Variants in FHOD3 observed in about 807,000 individuals in gnomAD.
FHOD3 encodes the protein FH1/FH2 domain-containing protein 3.
In FHOD3, 90 loss-of-function variants were observed where a neutral mutation model predicts 173.0. The ratio of observed to expected loss-of-function variants is 0.52; its 90% CI spans 0.44 to 0.62. The LOEUF (loss-of-function observed/expected upper bound fraction) is 0.62. Among genes scored for constraint, FHOD3 ranks in the 20% least tolerant of loss-of-function variants. FHOD3 has a pLI of 0.00. For synonymous variants in FHOD3, 828 were observed against 823.0 expected, an observed-to-expected ratio of 1.01 and a Z score of -0.10; for missense variants, 1,945 against 2,034.7, an observed-to-expected ratio of 0.96 and a Z score of 0.85.
chr18:36,583,442 C>CT (rs2058923507), intron 6 of FHOD3, among the ~76,000 whole-genome samples: 1 of 152,160 alleles, frequency 6.6e-6, no homozygotes, highest in East Asian at 1.9e-4. Context: ...GGGTTTTATT[C>CT]TTTTCCCTTC....
intron 5 of FHOD3, among the ~76,000 whole-genome samples, chr18:36,521,104 G>A (rs145606248): frequency 1.8e-3 from 270 of 152,282 alleles, no homozygotes; most frequent in African/African-American, 6.3e-3. Context: ...AACTTTTTTT[G>A]TGGGTGGGGT....
At chr18:36,474,986 T>TACACACACACACACACACACACACACAC (rs3056805) in intron 3 of FHOD3, among the ~76,000 whole-genome samples, 1 of 108,004 alleles carries the variant, frequency 9.3e-6, no homozygotes, top group Admixed American at 1.1e-4. Flanking sequence ...AATACACACA[T>TACACACACACACACACACACACACACAC]ACACACACAC....
chr18:36,418,882 C>A (rs1027437726), intron 3 of FHOD3, among the ~76,000 whole-genome samples: 2 of 152,038 alleles, frequency 1.3e-5, no homozygotes, highest in African/African-American at 4.8e-5. Flanking sequence ...CCATTGCACT[C>A]CAGCCTGGGC....
intron 3 of FHOD3, among the ~76,000 whole-genome samples, chr18:36,457,383 C>T (rs1196393963): frequency 6.6e-6 from 1 of 152,110 alleles, no homozygotes; most frequent in East Asian, 1.9e-4. Flanking sequence ...CAGCCATCAG[C>T]ATTGGTGGAT....
chr18:36,313,795 T>G (rs545812999), intron 1 of FHOD3, among the ~76,000 whole-genome samples: 1 of 152,370 alleles, frequency 6.6e-6, no homozygotes, highest in East Asian at 1.9e-4. Flanking sequence ...ACCTAGATTC[T>G]TTATTCAGCA....
intron 14 of FHOD3, among the ~76,000 whole-genome samples, chr18:36,659,434 C>T (rs2036631830): frequency 6.6e-6 from 1 of 152,202 alleles, no homozygotes. Flanking sequence ...TTGGGATTAG[C>T]TGAAGTTACC....
At position 36,755,238 on chromosome 18, in the gene FHOD3, G is replaced by A; in HGVS notation, c.4352G>A (p.Arg1451Lys). ...FALEYRTTRE[R>K]VLQQKQKRAN... ...CTAGAGTATCGCACAACCAGGGAAA[G>A]GGTTTTGCAGCAGAAACAGAAACGG... is the stretch of plus-strand genomic sequence containing the variant. The change falls in exon 25 of 29, where the codon AGG becomes AAG. Residue 1451 changes from arginine (R) to lysine (K), a missense_variant. Arg to Lys is a conservative substitution (Grantham distance 26). Transcript: ENST00000590592. 1 of 1,612,500 alleles carries A rather than the reference G, an allele frequency of 6.2e-7. No individual in the cohort carries two copies. Among genetic ancestry groups the A allele is most frequent in the African/African-American group, 1.3e-5 (1 of 74,824 alleles).
intron 3 of FHOD3, among the ~76,000 whole-genome samples, chr18:36,456,635 A>G (rs2052231655): frequency 6.6e-6 from 1 of 152,022 alleles, no homozygotes; most frequent in Admixed American, 6.6e-5. Flanking sequence ...GGGAAGGAGG[A>G]GTTCCAGCCT....
At chr18:36,664,603 G>T (rs2037029931) in intron 14 of FHOD3, among the ~76,000 whole-genome samples, 1 of 152,010 alleles carries the variant, frequency 6.6e-6, no homozygotes, top group Non-Finnish European at 1.5e-5. Context: ...TGGGACTGTG[G>T]GTCCTCAGCA....
intron 3 of FHOD3, among the ~76,000 whole-genome samples, chr18:36,450,670 G>GT (rs895644596): frequency 5.3e-5 from 8 of 151,804 alleles, no homozygotes; most frequent in Non-Finnish European, 1.2e-4. Flanking sequence ...GTGCACACCT[G>GT]TAGTCCCAGC....
At chr18:36,735,861 G>A (rs1352915372) in intron 20 of FHOD3, among the ~76,000 whole-genome samples, 1 of 152,194 alleles carries the variant, frequency 6.6e-6, no homozygotes, top group African/African-American at 2.4e-5. Context: ...AGTTTCATGT[G>A]CAGGTAGAAG....
intron 2 of FHOD3, among the ~76,000 whole-genome samples, chr18:36,361,509 A>G (rs2145868772): frequency 6.6e-6 from 1 of 152,036 alleles, no homozygotes; most frequent in East Asian, 1.9e-4. Context: ...AACATGGGAA[A>G]CGCTGTCTCT....
chr18:36,652,269 C>G (rs571069994), intron 11 of FHOD3, among the ~76,000 whole-genome samples: 2 of 152,320 alleles, frequency 1.3e-5, no homozygotes, highest in Admixed American at 6.5e-5. Flanking sequence ...GTCTTTGGGG[C>G]TCCAGTAAAT....
intron 28 of FHOD3, among the ~76,000 whole-genome samples, chr18:36,775,258 C>CA (rs1166489715): frequency 1.3e-5 from 2 of 152,074 alleles, no homozygotes; most frequent in Non-Finnish European, 2.9e-5. Flanking sequence ...TAATTATGTG[C>CA]AAAAAAACCC....
At chr18:36,514,497 T>C (rs1356616565) in intron 5 of FHOD3, among the ~76,000 whole-genome samples, 1 of 152,150 alleles carries the variant, frequency 6.6e-6, no homozygotes, top group Non-Finnish European at 1.5e-5. Context: ...TCCTCTAGTT[T>C]ATTTTCCGGG....
intron 10 of FHOD3, among the ~76,000 whole-genome samples, chr18:36,638,700 A>G (rs1020925639): frequency 6.6e-6 from 1 of 152,182 alleles, no homozygotes; most frequent in Middle Eastern, 3.2e-3. Flanking sequence ...GGGCCTGAGC[A>G]TTCACCTTTT....
intron 3 of FHOD3, among the ~76,000 whole-genome samples, chr18:36,433,090 C>T (rs377560869): frequency 2.0e-4 from 30 of 152,160 alleles, no homozygotes; most frequent in African/African-American, 6.8e-4. Flanking sequence ...GTCAGGCTCA[C>T]CTAGGATAAT....
rs2054653230 is a variant in FHOD3 at position 36,494,785 on chromosome 18, A to G, written c.338-7147A>G. On this transcript the variant is annotated intron_variant, in intron 3 of 28. Transcript: ENST00000590592. ...TCCCAGAGCTTCAGGAGAAAGGCAA[A>G]TCTTAATGACTCCAGTTTGATCTCA... Among the ~76,000 whole-genome samples, 5 of 152,098 alleles carry G rather than the reference A, an allele frequency of 3.3e-5. No homozygotes were observed. In the South Asian group the frequency reaches 1.0e-3, roughly 32 times the overall value.
At chr18:36,687,258 G>C in intron 16 of FHOD3, 80 bp downstream of exon 16, 1 of 1,047,176 alleles carries the variant, frequency 9.5e-7, no homozygotes, top group Non-Finnish European at 1.4e-6. Context: ...AGAGACTGTC[G>C]ATTAAAATAT....
Sources: gnomAD v4.1 joint callset for allele counts (sites outside exome capture counted in the v4.1 genomes callset) on GRCh38, gnomAD v4.1.1 for gene constraint, MANE v1.5 for transcripts, NCBI Gene and HGNC (gene_info 2026-07-23, HGNC 2026-07-21) for gene names.